ATRNL1: variants seen among roughly 807,000 people sequenced by gnomAD.
The protein encoded by ATRNL1 is attractin-like protein 1.
Under a neutral mutation model 182.7 loss-of-function variants are expected in ATRNL1, and 95 were observed. The ratio of observed to expected loss-of-function variants is 0.52; its 90% CI spans 0.44 to 0.62. ATRNL1 has a LOEUF of 0.62. Among genes scored for constraint, ATRNL1 ranks in the 20% least tolerant of loss-of-function variants. The pLI, the probability that ATRNL1 is intolerant of heterozygous loss-of-function variation, is 0.00. For missense variants in ATRNL1, 1,471 were observed against 1,679.5 expected (o/e 0.88, Z 2.17); for synonymous variants, 576 against 568.3 (o/e 1.01, Z -0.19).
chr10:115,590,524 G>A (rs189772376), intron 26 of ATRNL1, among the ~76,000 whole-genome samples: 90 of 152,186 alleles, frequency 5.9e-4, no homozygotes, highest in African/African-American at 2.2e-3. Context: ...AGTAGAGGAA[G>A]GGAAGAGGAA....
intron 28 of ATRNL1, 91 bp downstream of exon 28, chr10:115,848,082 C>A: frequency 1.4e-6 from 1 of 735,168 alleles, no homozygotes. Context: ...GCAGTAAGGA[C>A]CTTTGCAAGG....
At chr10:115,247,598 A>G (rs1355966704) in intron 10 of ATRNL1, among the ~76,000 whole-genome samples, 1 of 152,196 alleles carries the variant, frequency 6.6e-6, no homozygotes, top group Non-Finnish European at 1.5e-5. Context: ...TACAGCCACT[A>G]TGGAGAATAG....
intron 10 of ATRNL1, among the ~76,000 whole-genome samples, chr10:115,255,319 G>T (rs930609052): frequency 6.6e-6 from 1 of 151,964 alleles, no homozygotes. Context: ...GTTGAGCTGT[G>T]GTTTGTAGTT....
At chr10:115,317,875 A>T (rs1564908349) in intron 18 of ATRNL1, among the ~76,000 whole-genome samples, 2 of 152,158 alleles carry the variant, frequency 1.3e-5, no homozygotes, top group Non-Finnish European at 2.9e-5. Flanking sequence ...TTCCTGTTTG[A>T]ATACCCTTTA....
intron 27 of ATRNL1, among the ~76,000 whole-genome samples, chr10:115,793,979 A>G (rs1949590137): frequency 6.6e-6 from 1 of 152,188 alleles, no homozygotes; most frequent in Admixed American, 6.5e-5. Context: ...TTAGAAAAAC[A>G]AAGCTTTATT....
chr10:115,899,412 G>A (rs1565471188), intron 28 of ATRNL1, among the ~76,000 whole-genome samples: 1 of 152,036 alleles, frequency 6.6e-6, no homozygotes, highest in Non-Finnish European at 1.5e-5. Flanking sequence ...AGGTTCAAGC[G>A]ATTCTCCTGC....
intron 24 of ATRNL1, among the ~76,000 whole-genome samples, chr10:115,481,127 T>C (rs1224603226): frequency 6.6e-6 from 1 of 150,640 alleles, no homozygotes; most frequent in African/African-American, 2.4e-5. Flanking sequence ...TTTTAGATGG[T>C]TGCCCTTGTA....
At chr10:115,537,275 C>T (rs561555825) in intron 25 of ATRNL1, among the ~76,000 whole-genome samples, 1 of 152,184 alleles carries the variant, frequency 6.6e-6, no homozygotes, top group Non-Finnish European at 1.5e-5. Flanking sequence ...AAATAGACTT[C>T]TCCAAGAGTC....
At chr10:115,496,898 C>T (rs748301737) in intron 24 of ATRNL1, among the ~76,000 whole-genome samples, 92 of 152,062 alleles carry the variant, frequency 6.1e-4, no homozygotes, top group Non-Finnish European at 1.2e-3. Flanking sequence ...TGAGGTATCT[C>T]TTGGGGTTCC....
chr10:115,215,942 A>G, intron 9 of ATRNL1, 62 bp downstream of exon 9: 2 of 1,292,922 alleles, frequency 1.5e-6, no homozygotes, highest in Non-Finnish European at 2.1e-6. Context: ...ATTGACTTTA[A>G]AATGGTTTCT....
At chr10:115,374,199 A>G (rs1457886162) in intron 19 of ATRNL1, among the ~76,000 whole-genome samples, 1 of 151,742 alleles carries the variant, frequency 6.6e-6, no homozygotes, top group Non-Finnish European at 1.5e-5. Flanking sequence ...TATTAGTTGT[A>G]ACACTTCTTT....
At chr10:115,524,394 G>C (rs1302327593) in intron 25 of ATRNL1, among the ~76,000 whole-genome samples, 1 of 151,944 alleles carries the variant, frequency 6.6e-6, no homozygotes, top group Non-Finnish European at 1.5e-5. Context: ...AAATTGAAAA[G>C]AATAATTTTT....
intron 26 of ATRNL1, among the ~76,000 whole-genome samples, chr10:115,642,557 C>A: frequency 6.6e-6 from 1 of 151,886 alleles, no homozygotes; most frequent in East Asian, 1.9e-4. Flanking sequence ...AATTCTCCTG[C>A]CTAAGCCTCC....
intron 27 of ATRNL1, among the ~76,000 whole-genome samples, chr10:115,739,047 A>ATCT (rs1948064480): frequency 6.6e-6 from 1 of 152,158 alleles, no homozygotes; most frequent in Non-Finnish European, 1.5e-5. Flanking sequence ...TTTTTATCTT[A>ATCT]TCTTAAATCA....
At chr10:115,709,227 A>G (rs1438424231) in intron 26 of ATRNL1, among the ~76,000 whole-genome samples, 2 of 151,884 alleles carry the variant, frequency 1.3e-5, no homozygotes, top group Non-Finnish European at 2.9e-5. Flanking sequence ...TTGTCAGTGA[A>G]TATAAGGCAG....
intron 8 of ATRNL1, among the ~76,000 whole-genome samples, chr10:115,198,193 A>G (rs1307497215): frequency 1.3e-5 from 2 of 152,056 alleles, no homozygotes; most frequent in East Asian, 1.9e-4. Flanking sequence ...TGTCTTTCTG[A>G]TAATAACGAT....
rs188815649 is a variant in ATRNL1, at chr10:115,553,385, T to A, written c.3795+3849T>A. Among the ~76,000 whole-genome samples the A allele has an allele frequency of 4.7e-3, 714 of 151,478 alleles. 6 individuals carry two copies. The highest frequency in any genetic ancestry group is 0.015 in the African/African-American group (636 of 41,514). On this transcript the variant is annotated intron_variant, in intron 26 of 28. Transcript: ENST00000355044. ...TCTCTACATTTCATGTGATAGCAATTTTTCCATTTTTAATTCTTGTAAATT... is the reference window on the plus strand; with the variant it reads ...TCTCTACATTTCATGTGATAGCAATATTTCCATTTTTAATTCTTGTAAATT...
intron 26 of ATRNL1, among the ~76,000 whole-genome samples, chr10:115,626,186 A>G (rs1858087604): frequency 6.6e-6 from 1 of 152,222 alleles, no homozygotes; most frequent in Non-Finnish European, 1.5e-5. Context: ...TTAAAAATAA[A>G]GAGAACTTAA....
At chr10:115,923,341 C>T (rs1288725835) in intron 28 of ATRNL1, among the ~76,000 whole-genome samples, 1 of 152,168 alleles carries the variant, frequency 6.6e-6, no homozygotes, top group African/African-American at 2.4e-5. Context: ...AGGTTTATTA[C>T]ATAGATATAC....
Sources: gnomAD v4.1 joint callset for allele counts (sites outside exome capture counted in the v4.1 genomes callset) on GRCh38, gnomAD v4.1.1 for gene constraint, MANE v1.5 for transcripts, NCBI Gene and HGNC (gene_info 2026-07-23, HGNC 2026-07-21) for gene names.